SOS1: variants seen among roughly 807,000 people sequenced by gnomAD.
The protein encoded by SOS1 is son of sevenless homolog 1.
A neutral mutation model predicts 157.6 loss-of-function variants in SOS1; 25 were observed. The observed-to-expected ratio is 0.16, with a 90% CI of 0.12 to 0.22. The LOEUF (loss-of-function observed/expected upper bound fraction) is 0.22. Ranked by LOEUF, SOS1 falls within the 10% of genes least tolerant of loss-of-function variation. SOS1 has a pLI of 1.00. For synonymous variants in SOS1, 528 were observed against 534.0 expected (o/e 0.99, Z 0.16); for missense variants, 1,237 against 1,599.1 (o/e 0.77, Z 3.86).
intron 1 of SOS1, among the ~76,000 whole-genome samples, chr2:39,089,972 CAAAA>C (rs35640140): frequency 8.0e-6 from 1 of 125,344 alleles, no homozygotes. Flanking sequence ...ACTAAAAATA[CAAAA>C]AAAAAAAAAA....
intron 15 of SOS1, among the ~76,000 whole-genome samples, chr2:39,009,469 T>TTAAAGACATTTTG (rs1177507664): frequency 3.9e-5 from 6 of 152,180 alleles, no homozygotes; most frequent in African/African-American, 1.4e-4. Flanking sequence ...TGTGTAATTA[T>TTAAAGACATTTTG]TAAAGACATT....
chr2:39,124,531 T>G (rs1244124098), upstream of SOS1, among the ~76,000 whole-genome samples: 1 of 152,264 alleles, frequency 6.6e-6, no homozygotes, highest in Non-Finnish European at 1.5e-5. Flanking sequence ...CCCTTCAGTG[T>G]GCCCCCTGCA....
chr2:39,112,708 C>G (rs1401061959), intron 1 of SOS1, among the ~76,000 whole-genome samples: 1 of 152,182 alleles, frequency 6.6e-6, no homozygotes, highest in African/African-American at 2.4e-5. Context: ...TTTCTTCACT[C>G]TGTAAAAAAA....
intron 8 of SOS1, chr2:39,034,815 C>T: frequency 2.2e-6 from 1 of 457,844 alleles, no homozygotes; most frequent in South Asian, 1.5e-5. Flanking sequence ...GCTCCCTTAT[C>T]CTCACACTGA....
At chr2:39,079,034 T>C (rs1347204885) in intron 1 of SOS1, among the ~76,000 whole-genome samples, 1 of 105,200 alleles carries the variant, frequency 9.5e-6, no homozygotes, top group African/African-American at 3.9e-5. Flanking sequence ...CACTCCAGCC[T>C]GGGTGACAAG....
chr2:39,056,980 G>T, intron 3 of SOS1, 114 bp from the exon 4 acceptor site: 1 of 748,944 alleles, frequency 1.3e-6, no homozygotes, highest in Non-Finnish European at 2.3e-6. Flanking sequence ...CCTGAGGCCT[G>T]TGCTTACCAA....
At chr2:39,022,498 T>C (rs755222206) in intron 10 of SOS1, 72 bp downstream of exon 10, 1 of 1,213,308 alleles carries the variant, frequency 8.2e-7, no homozygotes. Flanking sequence ...TTAGGCACAA[T>C]AAACCCATGC....
At chr2:39,085,206 C>T (rs1672330258) in intron 1 of SOS1, among the ~76,000 whole-genome samples, 1 of 151,478 alleles carries the variant, frequency 6.6e-6, no homozygotes, top group Admixed American at 6.6e-5. Context: ...CCACCATGCT[C>T]AGCTAATTTT....
In SOS1 at chr2:39,055,216, G is replaced by A. The variant is rs1671170883; in HGVS notation, c.511-393C>T. On this transcript the variant is annotated intron_variant, in intron 4 of 22. Transcript: ENST00000402219. Reference sequence around the variant, plus strand: ...AATGTTTATAGCTGTCTATTCGGCCGATTTTCCTACATTTGTTGGGAATAG... The same window carrying A: ...AATGTTTATAGCTGTCTATTCGGCCAATTTTCCTACATTTGTTGGGAATAG... Among the ~76,000 whole-genome samples, 4 of 152,050 alleles carry A rather than the reference G, an allele frequency of 2.6e-5. No individual in the cohort carries two copies. The South Asian group carries it at 8.3e-4, about 32-fold the overall frequency.
intron 1 of SOS1, among the ~76,000 whole-genome samples, chr2:39,118,586 C>G (rs996340906): frequency 2.0e-5 from 3 of 152,056 alleles, no homozygotes; most frequent in Non-Finnish European, 4.4e-5. Context: ...GCAAAAAGGA[C>G]AAGTGGGGGC....
chr2:39,094,788 C>T (rs982496773), intron 1 of SOS1, among the ~76,000 whole-genome samples: 2 of 152,178 alleles, frequency 1.3e-5, no homozygotes, highest in African/African-American at 4.8e-5. Context: ...TTTCTAAGGA[C>T]TCTTTGTTTG....
intron 8 of SOS1, among the ~76,000 whole-genome samples, chr2:39,030,274 A>G (rs1277849962): frequency 6.8e-6 from 1 of 146,306 alleles, no homozygotes; most frequent in African/African-American, 2.5e-5. Context: ...AAAGAGGGGG[A>G]AAGAAAAGGC....
chr2:39,014,129 C>A (rs752613996), intron 11 of SOS1, 140 bp from the exon 12 acceptor site: 1 of 631,754 alleles, frequency 1.6e-6, no homozygotes, highest in Non-Finnish European at 2.8e-6. Flanking sequence ...TCAGTGTAAA[C>A]AAGTGAGACT....
At chr2:39,028,449 T>C (rs1456439701) in intron 8 of SOS1, among the ~76,000 whole-genome samples, 1 of 152,244 alleles carries the variant, frequency 6.6e-6, no homozygotes, top group Admixed American at 6.5e-5. Flanking sequence ...AATCATATAA[T>C]GGCTTCCCTT....
At chr2:39,034,354 C>A (rs967050459) in intron 8 of SOS1, among the ~76,000 whole-genome samples, 1 of 152,206 alleles carries the variant, frequency 6.6e-6, no homozygotes, top group Admixed American at 6.5e-5. Context: ...CCCATTTTAT[C>A]ATCTGCAAAC....
chr2:39,004,406 CAAAAAAA>C (rs60882005), intron 17 of SOS1, among the ~76,000 whole-genome samples: 1 of 66,532 alleles, frequency 1.5e-5, no homozygotes, highest in African/African-American at 7.2e-5. Context: ...GACTCTGTGT[CAAAAAAA>C]AAAAAAAAAA....
chr2:39,069,558 A>T (rs533983515), intron 1 of SOS1, among the ~76,000 whole-genome samples: 3 of 151,820 alleles, frequency 2.0e-5, no homozygotes, highest in African/African-American at 7.3e-5. Flanking sequence ...TTCATTTTTT[A>T]TTTTTTTGAG....
chr2:39,097,855 T>C (rs1160499280), intron 1 of SOS1, among the ~76,000 whole-genome samples: 1 of 152,168 alleles, frequency 6.6e-6, no homozygotes, highest in African/African-American at 2.4e-5. Context: ...GTGAGCCACT[T>C]TGCCCAGTGA....
At chr2:39,060,431 T>C (rs570428761) in intron 2 of SOS1, among the ~76,000 whole-genome samples, 12 of 152,214 alleles carry the variant, frequency 7.9e-5, no homozygotes, top group Non-Finnish European at 1.5e-4. Flanking sequence ...TTTATTTGTA[T>C]ATTTATTTAT....
Sources: allele counts gnomAD v4.1 joint callset (sites outside exome capture counted in the v4.1 genomes callset), GRCh38; gene constraint gnomAD v4.1.1; transcripts MANE v1.5; gene names NCBI Gene and HGNC (gene_info 2026-07-23, HGNC 2026-07-21).